VIT: variants seen among roughly 807,000 people sequenced by gnomAD.
VIT encodes vitrin.
In VIT, 99 loss-of-function variants were observed where a neutral mutation model predicts 78.0. The observed-to-expected ratio is 1.27, with a 90% confidence interval of 1.08 to 1.50. The LOEUF is 1.50. VIT is among the 40% of genes most tolerant of loss of function. The pLI is 0.00. For missense variants in VIT, 1,126 were observed against 875.3 expected (o/e 1.29, Z -3.61); for synonymous variants, 374 against 334.3 (o/e 1.12, Z -1.29).
At chr2:36,781,868 C>G in intron 10 of VIT, 97 bp downstream of exon 10, 1 of 1,431,976 alleles carries the variant, frequency 7.0e-7, no homozygotes, top group Non-Finnish European at 9.7e-7. Flanking sequence ...AGCGGCCGAG[C>G]TCCACTAGCC....
chr2:36,805,166 C>A (rs757358571), intron 13 of VIT, among the ~76,000 whole-genome samples: 2 of 151,802 alleles, frequency 1.3e-5, no homozygotes, highest in Non-Finnish European at 2.9e-5. Context: ...TAACCAGGTA[C>A]AGTGGCACAC....
chr2:36,721,814 G>T (rs1408833332), intron 2 of VIT, among the ~76,000 whole-genome samples: 3 of 152,188 alleles, frequency 2.0e-5, no homozygotes, highest in African/African-American at 7.2e-5. Context: ...CCTCCAGGAA[G>T]CTTCCCTCCA....
chr2:36,697,220 C>T (rs7599711), intron 1 of VIT, among the ~76,000 whole-genome samples: 35,550 of 152,050 alleles, frequency 0.23, 4,372 homozygotes, highest in Non-Finnish European at 0.28. Flanking sequence ...TTTACTGTTC[C>T]TTTAAACCAA....
intron 15 of VIT, among the ~76,000 whole-genome samples, chr2:36,812,740 C>T (rs1667268064): frequency 6.6e-6 from 1 of 152,098 alleles, no homozygotes; most frequent in Non-Finnish European, 1.5e-5. Flanking sequence ...AGATGCTGAC[C>T]CCACATGCTC....
At chr2:36,732,275 G>T (rs1388354134) in intron 3 of VIT, among the ~76,000 whole-genome samples, 1 of 152,212 alleles carries the variant, frequency 6.6e-6, no homozygotes, top group Non-Finnish European at 1.5e-5. Flanking sequence ...ACCTCTTTGA[G>T]AGATCTCAAA....
At chr2:36,772,523 G>A (rs879431673) in intron 7 of VIT, among the ~76,000 whole-genome samples, 15 of 152,136 alleles carry the variant, frequency 9.9e-5, no homozygotes, top group Middle Eastern at 3.4e-3. Flanking sequence ...CAACAAGAGC[G>A]AAACTCCATC....
At chr2:36,777,546 A>G (rs1670148895) in intron 9 of VIT, among the ~76,000 whole-genome samples, 1 of 152,048 alleles carries the variant, frequency 6.6e-6, no homozygotes, top group South Asian at 2.1e-4. Context: ...TGCTCCCACT[A>G]AAACACCCCA....
At chr2:36,725,197 A>G (rs1195452518) in intron 2 of VIT, among the ~76,000 whole-genome samples, 2 of 152,198 alleles carry the variant, frequency 1.3e-5, no homozygotes, top group Non-Finnish European at 2.9e-5. Flanking sequence ...GGCCTCAGCT[A>G]GTGCTAACAG....
chr2:36,798,865 C>T (rs1165187288), intron 12 of VIT, among the ~76,000 whole-genome samples: 1 of 152,136 alleles, frequency 6.6e-6, no homozygotes, highest in Admixed American at 6.5e-5. Context: ...TGTGTGACTC[C>T]TCCTCCCTGA....
intron 7 of VIT, among the ~76,000 whole-genome samples, chr2:36,771,851 G>C (rs60224950): frequency 0.24 from 35,757 of 152,136 alleles, 4,284 homozygotes; most frequent in South Asian, 0.31. Flanking sequence ...TGCGCTTAGT[G>C]CCACAAGAGA....
intron 15 of VIT, among the ~76,000 whole-genome samples, chr2:36,812,411 G>C (rs559709184): frequency 6.6e-6 from 1 of 151,120 alleles, no homozygotes; most frequent in South Asian, 2.1e-4. Flanking sequence ...AAGGTGGCGC[G>C]AGAATAGGCT....
intron 7 of VIT, among the ~76,000 whole-genome samples, chr2:36,769,571 G>C (rs1011804534): frequency 2.0e-5 from 3 of 152,144 alleles, no homozygotes; most frequent in African/African-American, 4.8e-5. Context: ...CTGGGGAAGC[G>C]GGGAGAGCTT....
At chr2:36,782,320 C>T (rs1664813619) in intron 10 of VIT, among the ~76,000 whole-genome samples, 2 of 152,182 alleles carry the variant, frequency 1.3e-5, no homozygotes, top group Admixed American at 1.3e-4. Flanking sequence ...GGGGCGTTTC[C>T]ACGACAGGCT....
intron 15 of VIT, among the ~76,000 whole-genome samples, chr2:36,811,759 G>A (rs1291870209): frequency 1.3e-5 from 2 of 149,418 alleles, no homozygotes; most frequent in African/African-American, 2.5e-5. Flanking sequence ...TGCAACCTCC[G>A]CCTCCTGGGT....
chr2:36,778,192 T>C (rs1442424061), intron 9 of VIT, among the ~76,000 whole-genome samples: 1 of 152,236 alleles, frequency 6.6e-6, no homozygotes, highest in African/African-American at 2.4e-5. Context: ...ACGAATCAAG[T>C]ATTTTCAAAT....
chr2:36,756,188 C>T (rs1668754873), intron 5 of VIT, among the ~76,000 whole-genome samples: 1 of 152,012 alleles, frequency 6.6e-6, no homozygotes, highest in Non-Finnish European at 1.5e-5. Flanking sequence ...GAGCTCCTGA[C>T]CTCAGGTGAT....
intron 12 of VIT, among the ~76,000 whole-genome samples, chr2:36,800,089 G>A (rs1200055410): frequency 2.6e-5 from 4 of 151,380 alleles, no homozygotes; most frequent in Admixed American, 6.6e-5. Flanking sequence ...GCTCACGCCT[G>A]TAATCCTAGC....
chr2:36,805,873 C>G (rs1365079584), intron 14 of VIT, among the ~76,000 whole-genome samples: 1 of 152,186 alleles, frequency 6.6e-6, no homozygotes, highest in Non-Finnish European at 1.5e-5. Context: ...TGTGGAGGAG[C>G]AGTGTACTCG....
chr2:36,723,425 A>T (rs1383847249), intron 2 of VIT, among the ~76,000 whole-genome samples: 1 of 152,180 alleles, frequency 6.6e-6, no homozygotes, highest in Non-Finnish European at 1.5e-5. Flanking sequence ...ATACTTCACC[A>T]ACAGTGTTCA....
Sources: gnomAD v4.1 joint callset for allele counts (sites outside exome capture counted in the v4.1 genomes callset) on GRCh38, gnomAD v4.1.1 for gene constraint, MANE v1.5 for transcripts, NCBI Gene and HGNC (gene_info 2026-07-23, HGNC 2026-07-21) for gene names.